SNX29: variants seen among roughly 807,000 people sequenced by gnomAD.
SNX29 encodes the protein sorting nexin 29, also known as sorting nexin-29.
A neutral mutation model predicts 102.1 loss-of-function variants in SNX29; 78 were observed. That is an observed-to-expected ratio of 0.76 (90% CI 0.64 to 0.92). The LOEUF (loss-of-function observed/expected upper bound fraction) is 0.92, where lower values mean the gene tolerates loss of function less well. SNX29 is among the 40% of genes least tolerant of loss of function. SNX29 has a pLI of 0.00. For missense variants in SNX29, 1,280 were observed against 1,061.7 expected (o/e 1.21, Z -2.86); for synonymous variants, 580 against 414.5 (o/e 1.40, Z -4.85).
intron 11 of SNX29, chr16:12,087,729 TGA>T (rs1264549597): frequency 2.5e-6 from 1 of 407,964 alleles, no homozygotes; most frequent in Non-Finnish European, 5.0e-6. Flanking sequence ...ATTGTACAGA[TGA>T]GAAAGTCACT....
At chr16:12,228,699 G>A (rs1032398902) in intron 14 of SNX29, among the ~76,000 whole-genome samples, 1 of 152,206 alleles carries the variant, frequency 6.6e-6, no homozygotes, top group Admixed American at 6.5e-5. Context: ...TTCTCTGCCT[G>A]TATCACCTCA....
intron 19 of SNX29, among the ~76,000 whole-genome samples, chr16:12,505,887 T>G (rs1021295747): frequency 1.3e-5 from 2 of 151,892 alleles, no homozygotes; most frequent in African/African-American, 4.8e-5. Flanking sequence ...ACCATGGAAT[T>G]TTTTCTATTT....
At chr16:12,290,504 G>A (rs16959130) in intron 15 of SNX29, among the ~76,000 whole-genome samples, 4,853 of 152,224 alleles carry the variant, frequency 0.032, 121 homozygotes, top group Admixed American at 0.063. Context: ...CTCCTAGTAC[G>A]GTGTCGTGAA....
At chr16:12,443,213 C>T (rs752605751) in intron 18 of SNX29, 23 of 337,276 alleles carry the variant, frequency 6.8e-5, no homozygotes, top group Non-Finnish European at 1.3e-4. Context: ...CTGCTGGGGA[C>T]ATGGCATTGC....
chr16:12,224,128 C>G (rs773589169), intron 14 of SNX29, among the ~76,000 whole-genome samples: 5 of 152,108 alleles, frequency 3.3e-5, no homozygotes, highest in Non-Finnish European at 4.4e-5. Flanking sequence ...CCTTTTGTTT[C>G]TTTCTCAGCA....
chr16:12,237,068 C>T (rs1409714197), intron 14 of SNX29, among the ~76,000 whole-genome samples: 2 of 152,170 alleles, frequency 1.3e-5, no homozygotes, highest in Non-Finnish European at 2.9e-5. Context: ...CTCAGTCTCA[C>T]AGTAACTTCT....
chr16:12,017,307 G>A (rs1180554127), intron 3 of SNX29, among the ~76,000 whole-genome samples: 1 of 152,178 alleles, frequency 6.6e-6, no homozygotes, highest in Non-Finnish European at 1.5e-5. Flanking sequence ...GGCTATTAGT[G>A]AGATTGAGTA....
chr16:12,400,071 G>C (rs1463919835), intron 17 of SNX29, among the ~76,000 whole-genome samples: 1 of 152,140 alleles, frequency 6.6e-6, no homozygotes, highest in Non-Finnish European at 1.5e-5. Context: ...GTCTCTGCCT[G>C]ATCCAGGCCA....
chr16:12,144,872 C>G (rs1225188454), intron 13 of SNX29, among the ~76,000 whole-genome samples: 7 of 152,200 alleles, frequency 4.6e-5, no homozygotes, highest in Non-Finnish European at 8.8e-5. Context: ...CAGGCGCCTG[C>G]CACCACACCC....
At chr16:12,177,587 T>C (rs1215077653) in intron 13 of SNX29, among the ~76,000 whole-genome samples, 1 of 152,238 alleles carries the variant, frequency 6.6e-6, no homozygotes, top group African/African-American at 2.4e-5. Flanking sequence ...TGGTATATAA[T>C]AGATGCTTAA....
intron 13 of SNX29, among the ~76,000 whole-genome samples, chr16:12,179,104 G>A (rs2076325105): frequency 6.6e-6 from 1 of 152,112 alleles, no homozygotes; most frequent in African/African-American, 2.4e-5. Context: ...CTGTGTGTGT[G>A]TATATATATA....
At chr16:12,044,028 A>G (rs1395071263) in intron 5 of SNX29, among the ~76,000 whole-genome samples, 2 of 152,250 alleles carry the variant, frequency 1.3e-5, no homozygotes, top group African/African-American at 4.8e-5. Context: ...TCCTGGGGTT[A>G]CAGGCGTGAG....
At chr16:12,103,988 A>G (rs2053127996) in intron 11 of SNX29, among the ~76,000 whole-genome samples, 1 of 152,212 alleles carries the variant, frequency 6.6e-6, no homozygotes, top group South Asian at 2.1e-4. Flanking sequence ...CGCTGCTAAA[A>G]AAGATGAACT....
intron 16 of SNX29, among the ~76,000 whole-genome samples, chr16:12,387,962 A>G (rs2083393034): frequency 6.6e-6 from 1 of 152,236 alleles, no homozygotes; most frequent in Admixed American, 6.5e-5. Flanking sequence ...AGCAGCAAAC[A>G]GAGAGCCTCT....
At chr16:12,140,414 C>T (rs1308808379) in intron 13 of SNX29, among the ~76,000 whole-genome samples, 1 of 152,210 alleles carries the variant, frequency 6.6e-6, no homozygotes, top group South Asian at 2.1e-4. Flanking sequence ...GGGTCCCATT[C>T]CCCCTGGAGC....
Position 12,139,979 on chromosome 16 carries a change from TC to T in SNX29, c.1595+10222del, listed in dbSNP as rs1445109273. Among the ~76,000 whole-genome samples, 54 of 63,048 alleles carry T rather than the reference TC, an allele frequency of 8.6e-4. 2 individuals carry two copies. The highest frequency in any genetic ancestry group is 2.3e-3 in the East Asian group (5 of 2,164). The allele number at this position is 63,048 out of a possible 152,430, so 41.4% of individuals were successfully genotyped here. ...CTGGGAGACAGAGAGATACCCTGTC[TC>T]AAAAAAAAAAAAAAAAAAAAAAAAG... On this transcript the variant is annotated intron_variant, in intron 13 of 20. Coordinates refer to ENST00000566228, the MANE Select transcript of SNX29 (RefSeq NM_032167.5).
rs9674166 is a variant in SNX29 at position 12,491,907 on chromosome 16, A to C, written c.2178+14048A>C. Reference sequence around the variant, plus strand: ...GTATTCCGTGGTGTATATGTGCCACATTTTCTTAATCCAGTCTATCGTTGT... The same window carrying C: ...GTATTCCGTGGTGTATATGTGCCACCTTTTCTTAATCCAGTCTATCGTTGT... On this transcript the variant is annotated intron_variant, in intron 19 of 20. Coordinates refer to ENST00000566228, the MANE Select transcript of SNX29 (RefSeq NM_032167.5). 6.2e-3 allele frequency among the ~76,000 whole-genome samples: 944 copies of C among 152,152 alleles called. 14 individuals are homozygous for C. Among genetic ancestry groups the C allele is most frequent in the African/African-American group, 0.022 (910 of 41,498 alleles).
chr16:12,203,269 C>T (rs78444061), intron 14 of SNX29, among the ~76,000 whole-genome samples: 474 of 97,266 alleles, frequency 4.9e-3, no homozygotes, highest in African/African-American at 0.016. Flanking sequence ...TCTGAAGTTG[C>T]GTAGTGTGGC....
At position 12,233,765 on chromosome 16, in the gene SNX29, C is replaced by T. The variant is rs937979905; in HGVS notation, c.1678+34082C>T. Among the ~76,000 whole-genome samples the T allele has an allele frequency of 2.6e-5, 4 of 152,092 alleles. No homozygotes were observed. The East Asian group carries it at 7.7e-4, about 29-fold the overall frequency. On this transcript the variant is annotated intron_variant, in intron 14 of 20. Transcript: ENST00000566228. ...AAGCCCATTTTCCTGAGCAGTCACT[C>T]TCCACCCCAGGGCCTGGCAAGCACC...
Sources: allele counts gnomAD v4.1 joint callset (sites outside exome capture counted in the v4.1 genomes callset), GRCh38; gene constraint gnomAD v4.1.1; transcripts MANE v1.5; gene names NCBI Gene and HGNC (gene_info 2026-07-23, HGNC 2026-07-21).